The following FBN1 variants were observed in gnomAD, a reference collection of about 807,000 sequenced individuals.
The protein encoded by FBN1 is fibrillin 1, also known as fibrillin-1.
A neutral mutation model predicts 365.1 loss-of-function variants in FBN1; 29 were observed. That is an observed-to-expected ratio of 0.08 (90% CI 0.06 to 0.11). FBN1 has a LOEUF of 0.11. Among genes scored for constraint, FBN1 ranks in the 10% least tolerant of loss-of-function variants. FBN1 has a pLI of 1.00. For missense variants in FBN1, 2,476 were observed against 3,703.2 expected, an observed-to-expected ratio of 0.67 and a Z score of 8.60; for synonymous variants, 1,210 against 1,270.5, an observed-to-expected ratio of 0.95 and a Z score of 1.01.
intron 58 of FBN1, among the ~76,000 whole-genome samples, chr15:48,426,912 C>A (rs1360418548): frequency 6.6e-6 from 1 of 152,110 alleles, no homozygotes; most frequent in Admixed American, 6.5e-5. Context: ...TCCTTCTTAA[C>A]CTCCTTCTTC....
At chr15:48,448,687 A>C in intron 46 of FBN1, 81 bp downstream of exon 46, 1 of 1,351,840 alleles carries the variant, frequency 7.4e-7, no homozygotes, top group Non-Finnish European at 1.0e-6. Flanking sequence ...TAAAAGACTT[A>C]GTATTAAATT....
intron 60 of FBN1, among the ~76,000 whole-genome samples, chr15:48,423,816 T>C (rs900082196): frequency 1.3e-5 from 2 of 152,218 alleles, no homozygotes; most frequent in Non-Finnish European, 2.9e-5. Flanking sequence ...GTGGAAGAAT[T>C]TGAACCTTAT....
chr15:48,493,669 A>G (rs1597567958), intron 23 of FBN1, among the ~76,000 whole-genome samples: 1 of 152,288 alleles, frequency 6.6e-6, no homozygotes, highest in East Asian at 1.9e-4. Flanking sequence ...ATATGGGACT[A>G]ATTGCTGTTT....
At chr15:48,491,892 G>C (rs1388745148) in intron 24 of FBN1, among the ~76,000 whole-genome samples, 2 of 152,216 alleles carry the variant, frequency 1.3e-5, no homozygotes, top group Non-Finnish European at 2.9e-5. Flanking sequence ...TAGGGACTTA[G>C]GACTTAGAGT....
Position 48,410,721 on chromosome 15 carries a change from C to A in FBN1, c.*269G>T. Reference sequence around the variant, plus strand: ...GCATGTCAGCATAAATGGCCAACCCCCAATGGAAATACACGTCCCAGTTTT... The same window carrying A: ...GCATGTCAGCATAAATGGCCAACCCACAATGGAAATACACGTCCCAGTTTT... On this transcript the variant is annotated 3_prime_UTR_variant, in exon 66 of 66. Coordinates refer to ENST00000316623, the MANE Select transcript of FBN1 (RefSeq NM_000138.5). 2 of 431,390 alleles carry A rather than the reference C, an allele frequency of 4.6e-6. No individual in the cohort carries two copies. Among genetic ancestry groups the A allele is most frequent in the Non-Finnish European group, 8.3e-6 (2 of 241,992 alleles). 26.7% of individuals were successfully genotyped at this position (431,390 alleles called of 1,614,324 possible). A position where few individuals can be genotyped will look rare whatever the true frequency, so the allele number is the denominator to read the frequency against.
chr15:48,591,442 C>G (rs1190676193), intron 6 of FBN1, among the ~76,000 whole-genome samples: 1 of 152,178 alleles, frequency 6.6e-6, no homozygotes, highest in African/African-American at 2.4e-5. Context: ...CACTAAATGA[C>G]AATATTCATT....
intron 4 of FBN1, among the ~76,000 whole-genome samples, chr15:48,602,139 A>G (rs2044572590): frequency 6.6e-6 from 1 of 151,892 alleles, no homozygotes; most frequent in South Asian, 2.1e-4. Context: ...CTAAACCCCA[A>G]CACAACACAC....
At chr15:48,418,761 C>T (rs2042919173) in intron 63 of FBN1, among the ~76,000 whole-genome samples, 3 of 152,182 alleles carry the variant, frequency 2.0e-5, no homozygotes. Context: ...CTGAAAACTA[C>T]TCCTTAAAAG....
intron 6 of FBN1, among the ~76,000 whole-genome samples, chr15:48,557,208 G>A (rs1011018960): frequency 1.3e-5 from 2 of 152,136 alleles, no homozygotes; most frequent in Non-Finnish European, 2.9e-5. Context: ...TGACTTTGAG[G>A]ATCAGAAAGG....
At chr15:48,623,014 T>C (rs1258222075) in intron 2 of FBN1, among the ~76,000 whole-genome samples, 1 of 152,184 alleles carries the variant, frequency 6.6e-6, no homozygotes, top group Non-Finnish European at 1.5e-5. Context: ...TTTAAAACAA[T>C]TATATGTCTA....
intron 13 of FBN1, among the ~76,000 whole-genome samples, chr15:48,511,216 A>G (rs542232115): frequency 6.6e-6 from 1 of 152,234 alleles, no homozygotes; most frequent in South Asian, 2.1e-4. Flanking sequence ...GTTGGCCCTC[A>G]GATGCACTTT....
intron 46 of FBN1, 128 bp downstream of exon 46, chr15:48,448,640 G>T: frequency 1.2e-6 from 1 of 813,378 alleles, no homozygotes. Context: ...CTGCATATCT[G>T]TCTGTGTTTT....
chr15:48,613,291 T>A (rs1004556061), intron 2 of FBN1, among the ~76,000 whole-genome samples, 199 bp from the exon 3 acceptor site: 7 of 152,202 alleles, frequency 4.6e-5, no homozygotes, highest in African/African-American at 1.7e-4. Context: ...CATCCCTTAA[T>A]ATCACCTATG....
At chr15:48,465,426 T>G in intron 40 of FBN1, 142 bp downstream of exon 40, 13 of 904,824 alleles carry the variant, frequency 1.4e-5, no homozygotes, top group Non-Finnish European at 2.3e-5. Context: ...TTGCCACATG[T>G]GAGACATATC....
At chr15:48,420,542 T>TGCAAAG (rs1208072580) in intron 63 of FBN1, 145 bp downstream of exon 63, 884 of 996,044 alleles carry the variant, frequency 8.9e-4, no homozygotes, top group Non-Finnish European at 1.3e-3. Flanking sequence ...GACTGTTACT[T>TGCAAAG]ACCTCGGGTT....
At chr15:48,503,175 GTAA>G (rs1049566362) in intron 17 of FBN1, among the ~76,000 whole-genome samples, 2 of 151,676 alleles carry the variant, frequency 1.3e-5, no homozygotes, top group Non-Finnish European at 1.5e-5. Context: ...GCGCACACGT[GTAA>G]TCCCAGCTAC....
intron 6 of FBN1, among the ~76,000 whole-genome samples, chr15:48,563,056 G>A (rs2044236100): frequency 2.0e-5 from 3 of 152,112 alleles, no homozygotes; most frequent in Admixed American, 2.0e-4. Context: ...GAGAGACAGT[G>A]AATGAATGAA....
intron 56 of FBN1, among the ~76,000 whole-genome samples, chr15:48,429,220 A>G (rs2043007098): frequency 6.6e-6 from 1 of 152,242 alleles, no homozygotes; most frequent in Non-Finnish European, 1.5e-5. Context: ...TATGAAAGAA[A>G]TATTTTAATA....
intron 6 of FBN1, among the ~76,000 whole-genome samples, chr15:48,579,034 A>G (rs1307083631): frequency 1.4e-5 from 2 of 146,228 alleles, no homozygotes; most frequent in East Asian, 6.5e-4. Context: ...AAAAGGGGAA[A>G]AAAAAAAAAA....
Sources: allele counts gnomAD v4.1 joint callset (sites outside exome capture counted in the v4.1 genomes callset), GRCh38; gene constraint gnomAD v4.1.1; transcripts MANE v1.5; gene names NCBI Gene and HGNC (gene_info 2026-07-23, HGNC 2026-07-21).